Variants in AK3 observed in about 807,000 individuals in gnomAD.
AK3 encodes GTP:AMP phosphotransferase AK3, mitochondrial.
A neutral mutation model predicts 23.7 loss-of-function variants in AK3; 27 were observed. That is an observed-to-expected ratio of 1.14 (90% CI 0.84 to 1.57). The LOEUF is 1.57. Among genes scored for constraint, AK3 ranks in the 40% most tolerant of loss-of-function variants. The pLI is 0.00. For missense variants in AK3, 406 were observed against 285.6 expected, an observed-to-expected ratio of 1.42 and a Z score of -3.04; for synonymous variants, 159 against 116.0, an observed-to-expected ratio of 1.37 and a Z score of -2.38.
chr9:4,738,840 C>T (rs913075915), intron 1 of AK3, among the ~76,000 whole-genome samples: 5 of 144,036 alleles, frequency 3.5e-5, no homozygotes, highest in Admixed American at 7.2e-5. Context: ...AGCACAATCT[C>T]GGCTCATGAC....
In AK3 at chr9:4,719,762, T is replaced by G. The variant is rs141241689; in HGVS notation, c.272-455A>C. Among the ~76,000 whole-genome samples, 952 of 152,180 alleles carry G rather than the reference T, an allele frequency of 6.3e-3. 12 individuals are homozygous for G. Among genetic ancestry groups the G allele is most frequent in the African/African-American group, 0.02 (834 of 41,500 alleles). ...CTTTAAACTCAAACTGAACTCATGA[T>G]CTTCACCCAAATCCAGGGACTGGCC... On this transcript the variant is annotated intron_variant, in intron 2 of 4. Transcript: ENST00000381809.
In AK3 at chr9:4,718,450, C is replaced by G. The variant is rs760763787; in HGVS notation, c.532G>C (p.Asp178His). 1.9e-6 allele frequency: 3 copies of G among 1,613,002 alleles called. No individual in the cohort carries two copies. In the East Asian group the frequency reaches 6.7e-5, roughly 36 times the overall value. Residue 178 changes from aspartate to histidine, a missense_variant, in exon 4 of 5, where the codon GAC becomes CAC. Transcript: ENST00000381809. ...TVIKRLKAYEDQTKPVLEYYQ... is the reference protein window; with the variant it reads ...TVIKRLKAYEHQTKPVLEYYQ... ...TATTCCAGGACTGGCTTTGTTTGGT[C>G]TTCATAAGCCTTTAGTCTCTTGATA...
At chr9:4,719,748 A>C (rs1237404861) in intron 2 of AK3, among the ~76,000 whole-genome samples, 2 of 152,086 alleles carry the variant, frequency 1.3e-5, no homozygotes, top group Non-Finnish European at 2.9e-5. Flanking sequence ...TTTAAACTCA[A>C]ACTGAACTCA....
At chr9:4,714,175 TACGCCTCCAC>T (rs1841655401) in intron 4 of AK3, among the ~76,000 whole-genome samples, 1 of 35,932 alleles carries the variant, frequency 2.8e-5, no homozygotes, top group Non-Finnish European at 6.3e-5. Flanking sequence ...CCTCCACACA[TACGCCTCCAC>T]ATACACACAC....
chr9:4,714,173 CATACGCCTCCACAT>C (rs1300273403), intron 4 of AK3, among the ~76,000 whole-genome samples: 1 of 29,462 alleles, frequency 3.4e-5, no homozygotes, highest in Non-Finnish European at 8.7e-5. Context: ...CACCTCCACA[CATACGCCTCCACAT>C]ACACACACCT....
chr9:4,719,177 A>T lies in AK3; in HGVS notation c.402T>A (p.Ser134Arg). 1 of 1,611,952 alleles carries T rather than the reference A, an allele frequency of 6.2e-7. No individual in the cohort carries two copies. The highest frequency in any genetic ancestry group is 8.5e-7 in the Non-Finnish European group (1 of 1,179,838). The part of the protein sequence containing the change: ...RLTARWIHPA[S>R]GRVYNIEFNP... ...TGAATTCAATGTTATAGACTCGGCC[A>T]CTGGCGGGATGAATCCAGCGAGCAG... The change falls in exon 3 of 5, where the codon AGT becomes AGA. Residue 134 changes from serine to arginine, a missense_variant. Ser to Arg is a moderately radical substitution (Grantham distance 110). Transcript: ENST00000381809.
chr9:4,735,286 T>C (rs1483682444), intron 1 of AK3, among the ~76,000 whole-genome samples: 6 of 66,656 alleles, frequency 9.0e-5, no homozygotes, highest in African/African-American at 4.3e-4. Context: ...TATATATACA[T>C]ATATAAATAT....
intron 1 of AK3, among the ~76,000 whole-genome samples, chr9:4,740,155 G>T (rs1842394088): frequency 6.6e-6 from 1 of 151,844 alleles, no homozygotes; most frequent in African/African-American, 2.4e-5. Flanking sequence ...TTCAAAACGG[G>T]TTCTATTTTG....
intron 1 of AK3, among the ~76,000 whole-genome samples, chr9:4,728,500 G>T (rs1213857146): frequency 6.6e-6 from 1 of 152,192 alleles, no homozygotes; most frequent in Non-Finnish European, 1.5e-5. Context: ...GAACCTGGGA[G>T]GCGGAGGTTT....
At chr9:4,731,933 A>C (rs116553257) in intron 1 of AK3, among the ~76,000 whole-genome samples, 72 of 152,250 alleles carry the variant, frequency 4.7e-4, no homozygotes, top group African/African-American at 1.7e-3. Flanking sequence ...AACAAACAGT[A>C]AATCTATTTT....
At chr9:4,731,091 G>C (rs1842142437) in intron 1 of AK3, among the ~76,000 whole-genome samples, 1 of 152,098 alleles carries the variant, frequency 6.6e-6, no homozygotes, top group Admixed American at 6.6e-5. Flanking sequence ...AATGTAAAGT[G>C]TTTTTATTTT....
chr9:4,741,097 C>G lies in AK3; in HGVS notation c.-10G>C. On this transcript the variant is annotated 5_prime_UTR_variant, in exon 1 of 5. Coordinates refer to ENST00000381809, the MANE Select transcript of AK3 (RefSeq NM_016282.4). ...GCGCGGACGCCCCCATGGCCGCAGA[C>G]TGAGGCCCGCACCGCGCGGGTACCA... 6.6e-7 allele frequency: 1 copy of G among 1,523,886 alleles called. No individual in the cohort carries two copies. The highest frequency in any genetic ancestry group is 1.4e-5 in the African/African-American group (1 of 69,812). 94.4% of individuals were successfully genotyped at this position (1,523,886 alleles called of 1,614,324 possible).
intron 1 of AK3, among the ~76,000 whole-genome samples, chr9:4,723,223 G>C (rs1841946109): frequency 6.6e-6 from 1 of 152,208 alleles, no homozygotes; most frequent in Admixed American, 6.5e-5. Flanking sequence ...TGATAGAATT[G>C]AGTGGTTTTG....
intron 1 of AK3, among the ~76,000 whole-genome samples, chr9:4,723,397 C>T (rs961702373): frequency 6.6e-6 from 1 of 152,160 alleles, no homozygotes; most frequent in African/African-American, 2.4e-5. Context: ...TCCTGTAAAA[C>T]AGGTGCTGCT....
chr9:4,722,771 T>C, intron 1 of AK3, 146 bp from the exon 2 acceptor site: 8 of 1,287,372 alleles, frequency 6.2e-6, no homozygotes, highest in South Asian at 5.7e-5. Context: ...AAAACAAAGG[T>C]TATGGCCGGG....
chr9:4,730,722 T>G (rs958647088), intron 1 of AK3, among the ~76,000 whole-genome samples: 1 of 152,230 alleles, frequency 6.6e-6, no homozygotes, highest in African/African-American at 2.4e-5. Flanking sequence ...TTTATGTTTG[T>G]ATGATTTAAT....
At position 4,722,638 on chromosome 9, in the gene AK3, G is replaced by C; in HGVS notation, c.152-13C>G. On this transcript the variant is annotated splice_polypyrimidine_tract_variant and intron_variant, in intron 1 of 4. Transcript: ENST00000381809. ...AACACGCCAATTTCTACAGCAAAGC[G>C]GGGAAAAAAATCAGTAAGTGCATTT... The C allele has an allele frequency of 6.2e-7, 1 of 1,613,664 alleles. No homozygotes were observed. Among genetic ancestry groups the C allele is most frequent in the Non-Finnish European group, 8.5e-7 (1 of 1,179,850 alleles).
At chr9:4,731,895 A>G (rs1049652126) in intron 1 of AK3, among the ~76,000 whole-genome samples, 1 of 152,160 alleles carries the variant, frequency 6.6e-6, no homozygotes, top group Non-Finnish European at 1.5e-5. Flanking sequence ...ATGGGGATGA[A>G]GATCTTTATG....
At chr9:4,735,281 AT>A in intron 1 of AK3, among the ~76,000 whole-genome samples, 1 of 73,680 alleles carries the variant, frequency 1.4e-5, no homozygotes. Flanking sequence ...ATAAATATAT[AT>A]ACATATATAA....
Sources: gnomAD v4.1 joint callset for allele counts (sites outside exome capture counted in the v4.1 genomes callset) on GRCh38, gnomAD v4.1.1 for gene constraint, MANE v1.5 for transcripts, NCBI Gene and HGNC (gene_info 2026-07-23, HGNC 2026-07-21) for gene names.